Variants in DACH2 observed in about 807,000 individuals in gnomAD.
DACH2 encodes the protein dachshund family transcription factor 2.
A neutral mutation model predicts 35.8 loss-of-function variants in DACH2; 17 were observed. That is an observed-to-expected ratio of 0.48 (90% CI 0.33 to 0.71). The LOEUF (loss-of-function observed/expected upper bound fraction) is 0.71, where lower values mean the gene tolerates loss of function less well. DACH2 is among the 30% of genes least tolerant of loss of function. The pLI, the probability that DACH2 is intolerant of heterozygous loss-of-function variation, is 0.02. For synonymous variants in DACH2, 195 were observed against 177.3 expected (o/e 1.10, Z -0.79); for missense variants, 469 against 472.7 (o/e 0.99, Z 0.07).
At chrX:86,392,914 A>C (rs1053089996) in intron 2 of DACH2, among the ~76,000 whole-genome samples, 3 of 110,837 alleles carry the variant, frequency 2.7e-5, no homozygotes, top group African/African-American at 9.9e-5. Context: ...GACATTTGGC[A>C]ATGTTTGGAG....
intron 1 of DACH2, among the ~76,000 whole-genome samples, chrX:86,345,868 A>C (rs779057292): frequency 9.0e-4 from 101 of 112,141 alleles, no homozygotes; most frequent in African/African-American, 3.0e-3. Flanking sequence ...AAATAAAAGA[A>C]CAGGGAAAAA....
chrX:86,583,174 T>TA (rs2039524302), intron 3 of DACH2, among the ~76,000 whole-genome samples: 4 of 111,501 alleles, frequency 3.6e-5, no homozygotes, highest in South Asian at 7.5e-4. Context: ...TCCTTCATGT[T>TA]AAAAAACCCT....
chrX:86,606,631 G>A (rs778667848), intron 3 of DACH2, among the ~76,000 whole-genome samples: 2 of 111,259 alleles, frequency 1.8e-5, no homozygotes, highest in African/African-American at 3.3e-5. Context: ...CTTTCCCTGA[G>A]AGTGATCCAT....
chrX:86,795,139 A>T (rs1458705540), intron 7 of DACH2, among the ~76,000 whole-genome samples: 1 of 111,379 alleles, frequency 9.0e-6, no homozygotes, highest in Admixed American at 9.5e-5. Flanking sequence ...CAGTGAGCAA[A>T]GTGATCTTCC....
chrX:86,616,342 C>T (rs932956740), intron 3 of DACH2, among the ~76,000 whole-genome samples: 4 of 111,660 alleles, frequency 3.6e-5, no homozygotes, highest in Non-Finnish European at 7.5e-5. Flanking sequence ...TTTGAGGAAT[C>T]GCCACATTGT....
intron 3 of DACH2, among the ~76,000 whole-genome samples, chrX:86,596,403 T>G (rs1259317487): frequency 9.0e-6 from 1 of 111,287 alleles, no homozygotes; most frequent in African/African-American, 3.3e-5. Context: ...TTCTGATTTT[T>G]TCATTATGAC....
chrX:86,743,399 G>T (rs1179724589), intron 7 of DACH2, among the ~76,000 whole-genome samples: 1 of 111,302 alleles, frequency 9.0e-6, no homozygotes, highest in East Asian at 2.8e-4. Flanking sequence ...AAGTATAAGA[G>T]AAAAGGAAAA....
At chrX:86,321,955 T>C (rs1168374114) in intron 1 of DACH2, among the ~76,000 whole-genome samples, 2 of 110,355 alleles carry the variant, frequency 1.8e-5, no homozygotes, top group Non-Finnish European at 3.8e-5. Context: ...ACTTGGACAA[T>C]GGGGAGCTTT....
chrX:86,616,597 A>G (rs890071985), intron 3 of DACH2, among the ~76,000 whole-genome samples: 27 of 111,858 alleles, frequency 2.4e-4, no homozygotes, highest in African/African-American at 7.8e-4. Flanking sequence ...TCCTTTGCCC[A>G]CTTTTTAATG....
At chrX:86,645,204 T>A (rs778330584) in intron 3 of DACH2, among the ~76,000 whole-genome samples, 3 of 111,133 alleles carry the variant, frequency 2.7e-5, no homozygotes, top group African/African-American at 9.8e-5. Context: ...TATAAGGGAC[T>A]TAAACAAATT....
intron 6 of DACH2, among the ~76,000 whole-genome samples, chrX:86,718,499 A>T (rs1160172816): frequency 1.8e-5 from 2 of 111,317 alleles, no homozygotes; most frequent in African/African-American, 6.5e-5. Context: ...CCATTTGTCT[A>T]TTTTTGTTTT....
intron 1 of DACH2, among the ~76,000 whole-genome samples, chrX:86,230,934 C>A (rs962261684): frequency 9.0e-6 from 1 of 111,559 alleles, no homozygotes; most frequent in African/African-American, 3.3e-5. Context: ...TTCAAAGAAC[C>A]AGCTTCTTGT....
At chrX:86,442,664 G>A (rs2037189238) in intron 2 of DACH2, among the ~76,000 whole-genome samples, 1 of 109,707 alleles carries the variant, frequency 9.1e-6, no homozygotes, top group South Asian at 3.8e-4. Context: ...TTTTCTTCTG[G>A]GAGTTTTTTT....
chrX:86,799,752 AT>A (rs1377572548), intron 7 of DACH2, among the ~76,000 whole-genome samples: 1 of 112,114 alleles, frequency 8.9e-6, no homozygotes, highest in East Asian at 2.8e-4. Flanking sequence ...ACCAGAGTAA[AT>A]TTTTTTAAAG....
At chrX:86,784,915 G>A (rs1413346460) in intron 7 of DACH2, among the ~76,000 whole-genome samples, 2 of 111,231 alleles carry the variant, frequency 1.8e-5, no homozygotes, top group African/African-American at 6.5e-5. Flanking sequence ...TAATAAGTTG[G>A]AGCTAAACCC....
chrX:86,826,818 A>G (rs899288774), intron 11 of DACH2, among the ~76,000 whole-genome samples: 1 of 112,512 alleles, frequency 8.9e-6, no homozygotes, highest in African/African-American at 3.2e-5. Context: ...TCTCTTTCTT[A>G]TTCAGGTTAG....
intron 1 of DACH2, among the ~76,000 whole-genome samples, chrX:86,199,168 A>G (rs917078010): frequency 1.8e-5 from 2 of 111,542 alleles, no homozygotes; most frequent in Non-Finnish European, 1.9e-5. Context: ...AAAAAACCAC[A>G]TGATTATTTC....
At chrX:86,306,147 G>C (rs759262446) in intron 1 of DACH2, among the ~76,000 whole-genome samples, 3 of 111,792 alleles carry the variant, frequency 2.7e-5, no homozygotes, top group Non-Finnish European at 3.8e-5. Flanking sequence ...CTATACTCCC[G>C]TCTCTATTCC....
In DACH2 at chrX:86,698,519, G is replaced by GTTTTTTTTTTTTTTTTTTTTTTTTTTTT. The variant is rs1378300889; in HGVS notation, c.931+3341_931+3342insTTTTTTTTTTTTTTTTTTTTTTTTTTTT. 3.1e-4 allele frequency among the ~76,000 whole-genome samples: 10 copies of GTTTTTTTTTTTTTTTTTTTTTTTTTTTT among 32,085 alleles called. 2 individuals are homozygous for GTTTTTTTTTTTTTTTTTTTTTTTTTTTT. Among genetic ancestry groups the GTTTTTTTTTTTTTTTTTTTTTTTTTTTT allele is most frequent in the African/African-American group, 2.6e-4 (2 of 7,831 alleles). The allele number at this position is 32,085 out of a possible 115,157, so 27.9% of individuals were successfully genotyped here. Reference sequence around the variant, plus strand: ...TTCTTCTTTTTGTTTTGTTAGTTTTGTGTTTTTTTTTTTTTTTTTTTTTTT... The same window carrying GTTTTTTTTTTTTTTTTTTTTTTTTTTTT: ...TTCTTCTTTTTGTTTTGTTAGTTTTGTTTTTTTTTTTTTTTTTTTTTTTTTTTTTGTTTTTTTTTTTTTTTTTTTTTTT... On this transcript the variant is annotated intron_variant, in intron 5 of 11. Coordinates refer to ENST00000373125, the MANE Select transcript of DACH2 (RefSeq NM_053281.3).
Sources: allele counts gnomAD v4.1 joint callset (sites outside exome capture counted in the v4.1 genomes callset), GRCh38; gene constraint gnomAD v4.1.1; transcripts MANE v1.5; gene names NCBI Gene and HGNC (gene_info 2026-07-23, HGNC 2026-07-21).